Variants in LUC7L3 observed in about 807,000 individuals in gnomAD.
The protein encoded by LUC7L3 is luc7-like protein 3.
LUC7L3 carries 6 observed loss-of-function variants against 66.8 expected under a neutral mutation model. That is an observed-to-expected ratio of 0.09 (90% CI 0.05 to 0.18). LUC7L3 has a LOEUF of 0.18. Among genes scored for constraint, LUC7L3 ranks in the 10% least tolerant of loss-of-function variants. The probability of loss-of-function intolerance (pLI) is 1.00; values close to 1 mark genes in which losing one functional copy is unlikely to be tolerated. For synonymous variants in LUC7L3, 160 were observed against 174.7 expected (o/e 0.92, Z 0.66); for missense variants, 341 against 531.1 (o/e 0.64, Z 3.52).
intron 2 of LUC7L3, chr17:50,738,115 A>G (rs754592844): frequency 4.4e-6 from 2 of 455,596 alleles, no homozygotes; most frequent in Non-Finnish European, 8.8e-6. Context: ...CTAGAAGGAT[A>G]CAGCCAGATG....
chr17:50,751,287 C>T lies in LUC7L3; in HGVS notation c.*626C>T, dbSNP rs1334670092. On this transcript the variant is annotated 3_prime_UTR_variant, in exon 10 of 10. Coordinates refer to ENST00000505658, the MANE Select transcript of LUC7L3 (RefSeq NM_016424.5). ...TGAATTATTGCAGCTGACTACCATA[C>T]CTCACACAGCGTTGGTGTTGTGAGC... 7.6e-7 allele frequency: 1 copy of T among 1,324,100 alleles called. No individual in the cohort carries two copies. The highest frequency in any genetic ancestry group is 1.5e-5 in the African/African-American group (1 of 67,430). 82.0% of individuals were successfully genotyped at this position (1,324,100 alleles called of 1,614,324 possible). A position where few individuals can be genotyped will look rare whatever the true frequency, so the allele number is the denominator to read the frequency against.
chr17:50,746,413 A>T, intron 8 of LUC7L3, 129 bp from the exon 9 acceptor site: 1 of 821,566 alleles, frequency 1.2e-6, no homozygotes, highest in East Asian at 2.5e-5. Context: ...TTTAGTTCTT[A>T]AGATTTCTAA....
intron 1 of LUC7L3, among the ~76,000 whole-genome samples, chr17:50,733,163 C>A (rs1182558597): frequency 1.3e-5 from 2 of 151,876 alleles, no homozygotes; most frequent in Admixed American, 6.6e-5. Context: ...ATCTCCAAAA[C>A]CCTAGAATAT....
chr17:50,734,661 A>G (rs1012785240), intron 1 of LUC7L3, among the ~76,000 whole-genome samples: 2 of 152,176 alleles, frequency 1.3e-5, no homozygotes, highest in African/African-American at 4.8e-5. Flanking sequence ...TGCAAAGAAT[A>G]ATCTTAAAAA....
At chr17:50,730,075 G>A (rs914296902) in intron 1 of LUC7L3, among the ~76,000 whole-genome samples, 4 of 151,300 alleles carry the variant, frequency 2.6e-5, no homozygotes, top group African/African-American at 9.7e-5. Context: ...CACTGCTTGA[G>A]CAGGCTCCTC....
At position 50,745,766 on chromosome 17, in the gene LUC7L3, TA is replaced by T; in HGVS notation, c.746del (p.Lys249ArgfsTer143). The T allele has an allele frequency of 6.3e-7, 1 of 1,592,852 alleles. No individual in the cohort carries two copies. Among genetic ancestry groups the T allele is most frequent in the Admixed American group, 1.8e-5 (1 of 55,206 alleles). On this transcript the variant is annotated frameshift_variant, in exon 8 of 10. Transcript: ENST00000505658. LOFTEE classifies it high-confidence loss of function. ...RTEEPDRDER[L>X]KKEKQEREER... ...GAAGAACCTGATCGTGATGAGCGTC[TA>T]AAAAAGGAGAAGCAAGAAAGAGAAG...
chr17:50,737,436 T>C, intron 2 of LUC7L3: 1 of 423,386 alleles, frequency 2.4e-6, no homozygotes, highest in Admixed American at 2.9e-5. Context: ...AGCGAGTGTT[T>C]GATCAGCAGA....
At chr17:50,750,094 T>G (rs535498020) in intron 9 of LUC7L3, among the ~76,000 whole-genome samples, 1 of 152,300 alleles carries the variant, frequency 6.6e-6, no homozygotes, top group Admixed American at 6.5e-5. Flanking sequence ...AACATTCAAC[T>G]TTTTTTCACC....
chr17:50,746,134 G>A lies in LUC7L3; in HGVS notation c.977+131G>A, dbSNP rs570022741. The stretch of plus-strand genomic sequence containing the variant: ...ATCTTTAAGTGATAGGATGGGTTGC[G>A]AGAGCGGAATCAGTGAATAAAATAG... On this transcript the variant is annotated intron_variant, in intron 8 of 9. Coordinates refer to ENST00000505658, the MANE Select transcript of LUC7L3 (RefSeq NM_016424.5). 4.0e-5 allele frequency: 53 copies of A among 1,336,134 alleles called. No individual in the cohort carries two copies. In the East Asian group the frequency reaches 8.9e-4, roughly 22 times the overall value. 82.8% of individuals were successfully genotyped at this position (1,336,134 alleles called of 1,614,324 possible).
Position 50,751,603 on chromosome 17 carries a change from A to G in LUC7L3, c.*942A>G. On this transcript the variant is annotated 3_prime_UTR_variant, in exon 10 of 10. Coordinates refer to ENST00000505658, the MANE Select transcript of LUC7L3 (RefSeq NM_016424.5). ...ATCTTTAAAGAATTTTAAATACAAT[A>G]AACACTTCATATTATTCGCCTTGTT... 8.7e-7 allele frequency: 1 copy of G among 1,146,860 alleles called. No individual in the cohort carries two copies. The highest frequency in any genetic ancestry group is 6.5e-5 in the East Asian group (1 of 15,294). 71.0% of individuals were successfully genotyped at this position (1,146,860 alleles called of 1,614,324 possible). A position where few individuals can be genotyped will look rare whatever the true frequency, so the allele number is the denominator to read the frequency against.
chr17:50,740,458 A>T, intron 3 of LUC7L3, 113 bp downstream of exon 3: 5 of 973,024 alleles, frequency 5.1e-6, no homozygotes, highest in South Asian at 4.6e-5. Flanking sequence ...AGAGAAGTCC[A>T]GTCAGTGGCT....
At chr17:50,733,750 A>T (rs936959399) in intron 1 of LUC7L3, among the ~76,000 whole-genome samples, 7 of 152,208 alleles carry the variant, frequency 4.6e-5, no homozygotes, top group African/African-American at 1.7e-4. Flanking sequence ...TTTAGTTTTT[A>T]AATTATTTTA....
At chr17:50,729,894 CATTATA>C (rs1273625072) in intron 1 of LUC7L3, among the ~76,000 whole-genome samples, 21 of 103,306 alleles carry the variant, frequency 2.0e-4, no homozygotes, top group Non-Finnish European at 3.3e-4. Context: ...AATATAAATA[CATTATA>C]TATATATATA....
At position 50,750,378 on chromosome 17, in the gene LUC7L3, C is replaced by T. The variant is rs540293789; in HGVS notation, c.1139-123C>T. 3.6e-5 allele frequency: 32 copies of T among 880,074 alleles called. 1 individual carries two copies. Among genetic ancestry groups the T allele is most frequent in the Middle Eastern group, 4.7e-4 (2 of 4,300 alleles). 54.5% of individuals were successfully genotyped at this position (880,074 alleles called of 1,614,324 possible). ...TATCCCTTTGGTAAATTCACCAAAC[C>T]GTTGCTTGCAGTCTGTGGGAAATGA... On this transcript the variant is annotated intron_variant, in intron 9 of 9. Transcript: ENST00000505658.
At chr17:50,729,938 A>ATG (rs1555607340) in intron 1 of LUC7L3, among the ~76,000 whole-genome samples, 6 of 29,002 alleles carry the variant, frequency 2.1e-4, no homozygotes, top group African/African-American at 8.3e-4. Context: ...ATATATATAT[A>ATG]TATATATGTA....
chr17:50,740,092 AT>A, intron 2 of LUC7L3, among the ~76,000 whole-genome samples: 1 of 152,046 alleles, frequency 6.6e-6, no homozygotes, highest in Admixed American at 6.5e-5. Flanking sequence ...GTTGCTGTCC[AT>A]TATATTGACT....
At chr17:50,735,341 T>C (rs544349542) in intron 1 of LUC7L3, among the ~76,000 whole-genome samples, 1 of 152,142 alleles carries the variant, frequency 6.6e-6, no homozygotes, top group Non-Finnish European at 1.5e-5. Flanking sequence ...TGGAACCACA[T>C]TGCTTCAAAT....
intron 9 of LUC7L3, chr17:50,749,392 C>CGT (rs1256542231): frequency 1.6e-6 from 2 of 1,251,368 alleles, no homozygotes. Context: ...AGTGGACAGA[C>CGT]AGACATGAAG....
intron 1 of LUC7L3, among the ~76,000 whole-genome samples, chr17:50,727,151 A>G (rs1476826111): frequency 6.6e-6 from 1 of 152,194 alleles, no homozygotes; most frequent in African/African-American, 2.4e-5. Context: ...ACCAACTGTT[A>G]GTGTTATTGT....
Sources: allele counts gnomAD v4.1 joint callset (sites outside exome capture counted in the v4.1 genomes callset), GRCh38; gene constraint gnomAD v4.1.1; transcripts MANE v1.5; gene names NCBI Gene and HGNC (gene_info 2026-07-23, HGNC 2026-07-21).